The following CNOT10 variants were observed in gnomAD, a reference collection of about 807,000 sequenced individuals.
The protein encoded by CNOT10 is CCR4-NOT transcription complex subunit 10.
CNOT10 carries 30 observed loss-of-function variants against 94.6 expected under a neutral mutation model. The observed-to-expected ratio is 0.32, with a 90% CI of 0.24 to 0.43. The LOEUF is 0.43. Among genes scored for constraint, CNOT10 ranks in the 20% least tolerant of loss-of-function variants. The pLI is 1.00. For missense variants in CNOT10, 759 were observed against 877.2 expected, an observed-to-expected ratio of 0.87 and a Z score of 1.70; for synonymous variants, 289 against 301.6, an observed-to-expected ratio of 0.96 and a Z score of 0.43.
chr3:32,704,706 T>C, intron 2 of CNOT10, 105 bp from the exon 3 acceptor site: 2 of 1,280,326 alleles, frequency 1.6e-6, no homozygotes, highest in South Asian at 3.0e-5. Context: ...TCTTTCTTTT[T>C]AAGAACTTTT....
At chr3:32,721,429 C>CTTTTTTTTT (rs58351356) in intron 8 of CNOT10, among the ~76,000 whole-genome samples, 24 of 72,596 alleles carry the variant, frequency 3.3e-4, no homozygotes, top group Non-Finnish European at 4.5e-4. Flanking sequence ...TTTCTTTCAT[C>CTTTTTTTTT]TTTTTTTTTT....
rs1696548352 is a variant in CNOT10, at chr3:32,685,338, C to A, written c.-123C>A. On this transcript the variant is annotated 5_prime_UTR_variant, in exon 1 of 19. Coordinates refer to ENST00000328834, the MANE Select transcript of CNOT10 (RefSeq NM_015442.3). Reference sequence around the variant, plus strand: ...CGTCTGCCCACTCCTCTAGCCGGAACCTGGGGGCCCGGAGCCGGGGTAGGC... The same window carrying A: ...CGTCTGCCCACTCCTCTAGCCGGAAACTGGGGGCCCGGAGCCGGGGTAGGC... The A allele has an allele frequency of 8.5e-6, 10 of 1,181,614 alleles. No individual in the cohort carries two copies. The South Asian group carries it at 1.1e-4, about 13-fold the overall frequency. 73.2% of individuals were successfully genotyped at this position (1,181,614 alleles called of 1,614,324 possible). A position where few individuals can be genotyped will look rare whatever the true frequency, so the allele number is the denominator to read the frequency against.
chr3:32,762,259 C>G (rs112817411), intron 14 of CNOT10, among the ~76,000 whole-genome samples: 5 of 148,998 alleles, frequency 3.4e-5, no homozygotes, highest in African/African-American at 1.2e-4. Context: ...ATCAGGAGAT[C>G]GATCTTAATT....
intron 14 of CNOT10, among the ~76,000 whole-genome samples, 153 bp from the exon 15 acceptor site, chr3:32,762,580 G>T (rs549123476): frequency 6.6e-6 from 1 of 152,104 alleles, no homozygotes; most frequent in Admixed American, 6.6e-5. Context: ...CAGTTGATTC[G>T]TTTTACCTAA....
At chr3:32,772,670 C>T (rs2125655521) in intron 18 of CNOT10, among the ~76,000 whole-genome samples, 1 of 152,250 alleles carries the variant, frequency 6.6e-6, no homozygotes, top group Non-Finnish European at 1.5e-5. Flanking sequence ...GCACTCTAGC[C>T]TGGGCCACAG....
At chr3:32,693,445 T>G (rs1696928909) in intron 1 of CNOT10, 2 of 152,132 alleles carry the variant, frequency 1.3e-5, no homozygotes, top group African/African-American at 4.8e-5. Context: ...CTCAAACTCC[T>G]GGACTCAAGC....
intron 13 of CNOT10, among the ~76,000 whole-genome samples, chr3:32,757,849 A>G (rs554843959): frequency 6.6e-6 from 1 of 152,328 alleles, no homozygotes; most frequent in African/African-American, 2.4e-5. Context: ...AATTCCTTTG[A>G]AAGTGGCACT....
At chr3:32,731,792 G>T (rs1364942603) in intron 10 of CNOT10, among the ~76,000 whole-genome samples, 2 of 151,852 alleles carry the variant, frequency 1.3e-5, no homozygotes, top group Non-Finnish European at 2.9e-5. Flanking sequence ...TTATTTTTTA[G>T]ATTTGGCCTA....
chr3:32,749,147 C>T (rs372537659), intron 13 of CNOT10, among the ~76,000 whole-genome samples: 3 of 152,066 alleles, frequency 2.0e-5, no homozygotes, highest in Non-Finnish European at 4.4e-5. Flanking sequence ...GTCCTAGATA[C>T]AACTATCAGA....
intron 14 of CNOT10, among the ~76,000 whole-genome samples, chr3:32,760,592 A>G (rs1255222356): frequency 6.6e-6 from 1 of 152,150 alleles, no homozygotes; most frequent in Non-Finnish European, 1.5e-5. Flanking sequence ...CGGTTGCACC[A>G]TTGCACTCCA....
At chr3:32,726,836 A>ATTT (rs56273006) in intron 9 of CNOT10, among the ~76,000 whole-genome samples, 2 of 81,274 alleles carry the variant, frequency 2.5e-5, no homozygotes, top group African/African-American at 4.5e-5. Context: ...ACCAAGATGA[A>ATTT]TTTTTTTTTT....
chr3:32,746,719 C>G (rs1699714737), intron 13 of CNOT10, among the ~76,000 whole-genome samples: 1 of 151,940 alleles, frequency 6.6e-6, no homozygotes, highest in Non-Finnish European at 1.5e-5. Context: ...CGCCTGTAGT[C>G]CCAGCTACTC....
At chr3:32,707,027 G>T (rs1006398895) in intron 3 of CNOT10, among the ~76,000 whole-genome samples, 2 of 152,160 alleles carry the variant, frequency 1.3e-5, no homozygotes, top group Non-Finnish European at 2.9e-5. Context: ...TCAAACCAAG[G>T]CTGTTAAATC....
At chr3:32,772,638 A>T (rs1700964548) in intron 18 of CNOT10, among the ~76,000 whole-genome samples, 1 of 152,202 alleles carries the variant, frequency 6.6e-6, no homozygotes, top group African/African-American at 2.4e-5. Flanking sequence ...TGGAGGTTGC[A>T]GTGAGCCGTA....
intron 13 of CNOT10, among the ~76,000 whole-genome samples, chr3:32,755,418 A>G (rs1700187908): frequency 6.7e-6 from 1 of 148,446 alleles, no homozygotes; most frequent in African/African-American, 2.5e-5. Context: ...TCCCAGGTTC[A>G]AGCAATTCTC....
chr3:32,687,957 C>T (rs1216447599), intron 1 of CNOT10, among the ~76,000 whole-genome samples: 3 of 152,120 alleles, frequency 2.0e-5, no homozygotes, highest in Non-Finnish European at 4.4e-5. Context: ...CCTCTCTGAG[C>T]TCACGAGGTC....
At chr3:32,772,233 CCAGCTA>C (rs1700939119) in intron 18 of CNOT10, among the ~76,000 whole-genome samples, 1 of 152,192 alleles carries the variant, frequency 6.6e-6, no homozygotes, top group Non-Finnish European at 1.5e-5. Context: ...AGTTGTAGTT[CCAGCTA>C]CTCAGCAGGC....
Position 32,716,260 on chromosome 3 carries a change from TA to T in CNOT10, c.612del (p.Ala205LeufsTer6). On this transcript the variant is annotated frameshift_variant, in exon 6 of 19. Transcript: ENST00000328834. LOFTEE classifies it high-confidence loss of function. Reference sequence around the variant, plus strand: ...ACAACAACAAAGATGGATCTAATCATAAAGCTGAAAGTGGAGCTCTAATAGA... The same window carrying T: ...ACAACAACAAAGATGGATCTAATCATAAGCTGAAAGTGGAGCTCTAATAGA... ...NNNNKDGSNH[K>X]AESGALIEAA... is the part of the protein sequence containing the mutation. The T allele has an allele frequency of 6.2e-7, 1 of 1,604,580 alleles. No individual in the cohort carries two copies. Among genetic ancestry groups the T allele is most frequent in the Non-Finnish European group, 8.5e-7 (1 of 1,175,196 alleles).
At chr3:32,695,962 GAA>G (rs1697037110) in intron 1 of CNOT10, 1 of 617,230 alleles carries the variant, frequency 1.6e-6, no homozygotes, top group Non-Finnish European at 2.7e-6. Flanking sequence ...TAATCCTGTT[GAA>G]GAGAGTGTGT....
Sources: allele counts gnomAD v4.1 joint callset (sites outside exome capture counted in the v4.1 genomes callset), GRCh38; gene constraint gnomAD v4.1.1; transcripts MANE v1.5; gene names NCBI Gene and HGNC (gene_info 2026-07-23, HGNC 2026-07-21).